The following MACROD2 variants were observed in gnomAD, a reference collection of about 807,000 sequenced individuals.
The protein encoded by MACROD2 is mono-ADP ribosylhydrolase 2.
MACROD2 carries 36 observed loss-of-function variants against 70.4 expected under a neutral mutation model. The ratio of observed to expected loss-of-function variants is 0.51; its 90% CI spans 0.39 to 0.68. The LOEUF (loss-of-function observed/expected upper bound fraction) is 0.68. Ranked by LOEUF, MACROD2 falls within the 30% of genes least tolerant of loss-of-function variation. The pLI is 0.00. For missense variants in MACROD2, 496 were observed against 538.4 expected (o/e 0.92, Z 0.78); for synonymous variants, 172 against 178.8 (o/e 0.96, Z 0.30).
intron 3 of MACROD2, among the ~76,000 whole-genome samples, chr20:14,269,619 G>A (rs2082173472): frequency 6.6e-6 from 1 of 151,894 alleles, no homozygotes; most frequent in Admixed American, 6.6e-5. Flanking sequence ...AAAATAAGGT[G>A]AAAAAACATC....
At chr20:14,411,411 A>C (rs2083747838) in intron 3 of MACROD2, among the ~76,000 whole-genome samples, 1 of 151,820 alleles carries the variant, frequency 6.6e-6, no homozygotes, top group African/African-American at 2.4e-5. Context: ...CCAGCTCCTA[A>C]AGTTTTCTCT....
chr20:14,296,383 A>G (rs894694316), intron 3 of MACROD2, among the ~76,000 whole-genome samples: 1 of 151,952 alleles, frequency 6.6e-6, no homozygotes, highest in Admixed American at 6.6e-5. Context: ...AATAGCTCAA[A>G]ACTTAAAACT....
intron 2 of MACROD2, among the ~76,000 whole-genome samples, chr20:14,057,350 A>G (rs1046393842): frequency 6.6e-6 from 1 of 152,190 alleles, no homozygotes; most frequent in Non-Finnish European, 1.5e-5. Context: ...GTAACAGCAG[A>G]TACTTGTAAT....
chr20:15,429,601 C>G (rs563416343), intron 6 of MACROD2, among the ~76,000 whole-genome samples: 55 of 152,058 alleles, frequency 3.6e-4, no homozygotes, highest in Non-Finnish European at 6.2e-4. Context: ...AAATAAAAGG[C>G]AGTACACATT....
At chr20:14,545,754 G>A (rs181537082) in intron 4 of MACROD2, among the ~76,000 whole-genome samples, 1,697 of 152,258 alleles carry the variant, frequency 0.011, 13 homozygotes, top group Non-Finnish European at 0.016. Context: ...AGAGAGATAA[G>A]GTACCTCATT....
intron 3 of MACROD2, among the ~76,000 whole-genome samples, chr20:14,220,560 C>T (rs982181364): frequency 3.3e-5 from 5 of 152,172 alleles, no homozygotes; most frequent in Non-Finnish European, 4.4e-5. Flanking sequence ...CTTCTCATCT[C>T]GTTCAAATGG....
chr20:15,948,864 A>G (rs950987024), intron 12 of MACROD2, among the ~76,000 whole-genome samples: 6 of 152,208 alleles, frequency 3.9e-5, no homozygotes, highest in African/African-American at 7.2e-5. Context: ...ACATATTTCT[A>G]AAGATCTTGT....
At chr20:15,148,439 A>T (rs1457670813) in intron 5 of MACROD2, among the ~76,000 whole-genome samples, 4 of 152,080 alleles carry the variant, frequency 2.6e-5, no homozygotes, top group African/African-American at 9.7e-5. Context: ...TTGCCAGCAA[A>T]GATTATTTAT....
chr20:14,585,410 A>G (rs1338120082), intron 4 of MACROD2, among the ~76,000 whole-genome samples: 2 of 152,154 alleles, frequency 1.3e-5, no homozygotes, highest in Non-Finnish European at 2.9e-5. Context: ...GTAAACTATG[A>G]GAGTAGGTTC....
chr20:15,362,427 T>G (rs1018641287), intron 6 of MACROD2, among the ~76,000 whole-genome samples: 1 of 141,352 alleles, frequency 7.1e-6, no homozygotes. Flanking sequence ...TAGCTGTAGG[T>G]TTTTTTTATA....
intron 5 of MACROD2, among the ~76,000 whole-genome samples, chr20:15,176,075 A>G (rs557112626): frequency 2.0e-4 from 30 of 152,300 alleles, no homozygotes; most frequent in African/African-American, 7.2e-4. Context: ...TGCTGTTGCA[A>G]TGTGGCCAGG....
chr20:15,039,934 T>A (rs1198539489), intron 5 of MACROD2, among the ~76,000 whole-genome samples: 1 of 152,178 alleles, frequency 6.6e-6, no homozygotes, highest in Non-Finnish European at 1.5e-5. Context: ...GTCTGAGTCC[T>A]TGCTTCCTTC....
At chr20:15,019,912 T>C (rs931468346) in intron 5 of MACROD2, among the ~76,000 whole-genome samples, 1 of 152,180 alleles carries the variant, frequency 6.6e-6, no homozygotes, top group Non-Finnish European at 1.5e-5. Flanking sequence ...ATAATAATAA[T>C]TGAATACTTA....
At chr20:15,375,972 G>A (rs969747390) in intron 6 of MACROD2, among the ~76,000 whole-genome samples, 29 of 151,946 alleles carry the variant, frequency 1.9e-4, no homozygotes, top group Non-Finnish European at 2.9e-4. Context: ...ATCGACATAT[G>A]TTCATCTCAA....
At chr20:14,352,063 C>T (rs1355335094) in intron 3 of MACROD2, among the ~76,000 whole-genome samples, 1 of 152,062 alleles carries the variant, frequency 6.6e-6, no homozygotes, top group Non-Finnish European at 1.5e-5. Flanking sequence ...TCCTTACATC[C>T]CAGGGATAAA....
chr20:14,276,672 A>C (rs952728167), intron 3 of MACROD2, among the ~76,000 whole-genome samples: 5 of 152,074 alleles, frequency 3.3e-5, no homozygotes, highest in African/African-American at 1.2e-4. Context: ...ATGCTATTGT[A>C]ATTCCTTTTA....
intron 6 of MACROD2, among the ~76,000 whole-genome samples, chr20:15,246,264 AGTGTAT>A (rs1229651557): frequency 2.6e-5 from 4 of 152,038 alleles, no homozygotes; most frequent in Non-Finnish European, 4.4e-5. Context: ...TGTAAATGTG[AGTGTAT>A]GTGTATGTGT....
intron 2 of MACROD2, among the ~76,000 whole-genome samples, chr20:14,013,434 G>A (rs1486251522): frequency 4.0e-5 from 6 of 151,198 alleles, no homozygotes; most frequent in African/African-American, 1.5e-4. Context: ...CACCATGCCC[G>A]GCTAATTTTT....
intron 5 of MACROD2, among the ~76,000 whole-genome samples, chr20:15,035,921 T>A (rs1261094768): frequency 6.6e-6 from 1 of 151,728 alleles, no homozygotes; most frequent in Non-Finnish European, 1.5e-5. Context: ...GGAGATCTGG[T>A]GTCAGTGAAA....
Sources: gnomAD v4.1 joint callset for allele counts (sites outside exome capture counted in the v4.1 genomes callset) on GRCh38, gnomAD v4.1.1 for gene constraint, MANE v1.5 for transcripts, NCBI Gene and HGNC (gene_info 2026-07-23, HGNC 2026-07-21) for gene names.